RBL1: variants seen among roughly 807,000 people sequenced by gnomAD.
The protein encoded by RBL1 is RB transcriptional corepressor like 1.
In RBL1, 82 loss-of-function variants were observed where a neutral mutation model predicts 123.0. The ratio of observed to expected loss-of-function variants is 0.67; its 90% CI spans 0.56 to 0.80. RBL1 has a LOEUF of 0.80. Ranked by LOEUF, RBL1 falls within the 30% of genes least tolerant of loss-of-function variation. The probability of loss-of-function intolerance (pLI) is 0.00; values close to 1 mark genes in which losing one functional copy is unlikely to be tolerated. For missense variants in RBL1, 1,171 were observed against 1,299.6 expected, an observed-to-expected ratio of 0.90 and a Z score of 1.52; for synonymous variants, 405 against 441.3, an observed-to-expected ratio of 0.92 and a Z score of 1.03.
In RBL1 at chr20:37,022,824, G is replaced by A. The variant is rs765002285; in HGVS notation, c.2385C>T (p.Val795=). ...TGSLALFYRK[V]YHLASVRLRD... is the part of the protein sequence containing the mutation. Reference sequence around the variant, plus strand: ...GTAAGCGTACACTTGCCAAATGATAGACCTAAAATAGAAGGTAACACATTG... The same window carrying A: ...GTAAGCGTACACTTGCCAAATGATAAACCTAAAATAGAAGGTAACACATTG... The change falls in exon 17 of 22, where the codon GTC becomes GTT. Residue 795 remains valine (V), a splice_region_variant and synonymous_variant. Transcript: ENST00000373664. 6.2e-7 allele frequency: 1 copy of A among 1,602,810 alleles called. No homozygotes were observed. Among genetic ancestry groups the A allele is most frequent in the Non-Finnish European group, 8.5e-7 (1 of 1,173,628 alleles).
At chr20:37,028,116 G>T (rs2064453777) in intron 16 of RBL1, among the ~76,000 whole-genome samples, 1 of 152,132 alleles carries the variant, frequency 6.6e-6, no homozygotes, top group African/African-American at 2.4e-5. Context: ...TGTAATCCCA[G>T]CACTTTGGGA....
At chr20:37,023,060 A>G (rs2064368301) in intron 16 of RBL1, among the ~76,000 whole-genome samples, 1 of 152,238 alleles carries the variant, frequency 6.6e-6, no homozygotes, top group African/African-American at 2.4e-5. Context: ...CCAACTATGT[A>G]AAGTAAGAAA....
chr20:37,026,694 A>C (rs1008373344), intron 16 of RBL1, among the ~76,000 whole-genome samples: 1 of 145,090 alleles, frequency 6.9e-6, no homozygotes, highest in Non-Finnish European at 1.5e-5. Flanking sequence ...ACAGAGCAAG[A>C]CTCCATCTCA....
At chr20:37,079,826 T>C (rs1340530178) in intron 2 of RBL1, among the ~76,000 whole-genome samples, 1 of 152,164 alleles carries the variant, frequency 6.6e-6, no homozygotes, top group African/African-American at 2.4e-5. Context: ...TGGTGACTTT[T>C]CTGAAGTTTA....
chr20:37,069,811 C>T (rs947431888), intron 2 of RBL1, among the ~76,000 whole-genome samples: 5 of 151,422 alleles, frequency 3.3e-5, no homozygotes, highest in African/African-American at 1.2e-4. Flanking sequence ...GGGTCAGCCC[C>T]CTGCCAGGCC....
intron 17 of RBL1, among the ~76,000 whole-genome samples, chr20:37,021,448 C>CTT (rs879272660): frequency 3.5e-5 from 5 of 143,170 alleles, no homozygotes; most frequent in South Asian, 4.5e-4. Flanking sequence ...TTTTTTAATT[C>CTT]TTTTTTTTTT....
chr20:37,010,383 A>G (rs938404548), intron 19 of RBL1, among the ~76,000 whole-genome samples: 1 of 152,234 alleles, frequency 6.6e-6, no homozygotes, highest in Non-Finnish European at 1.5e-5. Context: ...CAAGCCCTGT[A>G]TTAAATATTA....
chr20:37,022,692 A>G lies in RBL1; in HGVS notation c.2517T>C (p.His839=), dbSNP rs763395965. Residue 839 remains histidine, a synonymous_variant, in exon 17 of 22, where the codon CAT becomes CAC. Transcript: ENST00000373664. ...VHCPDLMKDR[H]LDQLLLCAFY... is the part of the protein sequence containing the mutation. ...AGGCACAAAGGAGGAGCTGATCCAAATGCCTGTCTTTCATTAGATCAGGAC... is the reference window on the plus strand; with the variant it reads ...AGGCACAAAGGAGGAGCTGATCCAAGTGCCTGTCTTTCATTAGATCAGGAC... The G allele has an allele frequency of 6.8e-6, 11 of 1,613,248 alleles. No individual in the cohort carries two copies. The Admixed American group carries it at 1.0e-4, about 15-fold the overall frequency.
chr20:37,015,988 C>T (rs1228760895), intron 19 of RBL1, among the ~76,000 whole-genome samples: 1 of 143,268 alleles, frequency 7.0e-6, no homozygotes, highest in East Asian at 2.1e-4. Flanking sequence ...TCCCAAAGTA[C>T]TGGATTACAG....
At chr20:37,066,593 C>G (rs1224722050) in intron 6 of RBL1, 131 bp downstream of exon 6, 8 of 774,748 alleles carry the variant, frequency 1.0e-5, no homozygotes, top group Non-Finnish European at 1.6e-5. Flanking sequence ...TTCTGAATCA[C>G]AGTAGAGGCT....
At chr20:37,022,506 T>G (rs2064356399) in intron 17 of RBL1, 144 bp downstream of exon 17, 5 of 664,092 alleles carry the variant, frequency 7.5e-6, no homozygotes. Context: ...TTTATATTTT[T>G]TATAGAGATG....
chr20:37,036,735 C>T (rs909692818), intron 14 of RBL1, among the ~76,000 whole-genome samples: 1 of 151,414 alleles, frequency 6.6e-6, no homozygotes, highest in Non-Finnish European at 1.5e-5. Flanking sequence ...ACGCCATTCT[C>T]CTGCCTCAGC....
chr20:37,048,141 T>C lies in RBL1; in HGVS notation c.1468-951A>G, dbSNP rs113459857. On this transcript the variant is annotated intron_variant, in intron 11 of 21. Transcript: ENST00000373664. ...ACAAATTACTCAGCAGAAGGGACGATGATCAAGCATAAGGACCTGCAGTGA... is the reference window on the plus strand; with the variant it reads ...ACAAATTACTCAGCAGAAGGGACGACGATCAAGCATAAGGACCTGCAGTGA... 4.1e-3 allele frequency among the ~76,000 whole-genome samples: 621 copies of C among 152,290 alleles called. 8 individuals are homozygous for C. The highest frequency in any genetic ancestry group is 0.014 in the African/African-American group (594 of 41,552).
At chr20:37,087,169 T>C (rs1274985607) in intron 2 of RBL1, among the ~76,000 whole-genome samples, 2 of 152,218 alleles carry the variant, frequency 1.3e-5, no homozygotes, top group East Asian at 1.9e-4. Flanking sequence ...TCCACATCTC[T>C]ACGAAAAATA....
intron 2 of RBL1, among the ~76,000 whole-genome samples, chr20:37,080,301 C>A (rs998377184): frequency 1.2e-4 from 18 of 151,838 alleles, no homozygotes; most frequent in Non-Finnish European, 2.1e-4. Flanking sequence ...GGATTACAGG[C>A]AAGCACCACC....
At chr20:37,001,311 A>G (rs1412970132) in intron 21 of RBL1, among the ~76,000 whole-genome samples, 2 of 151,848 alleles carry the variant, frequency 1.3e-5, no homozygotes, top group African/African-American at 4.8e-5. Flanking sequence ...GGTTTTGTGG[A>G]ATAGAAAGGG....
At chr20:37,062,816 G>A (rs1699581824) in intron 7 of RBL1, among the ~76,000 whole-genome samples, 1 of 149,298 alleles carries the variant, frequency 6.7e-6, no homozygotes, top group Non-Finnish European at 1.5e-5. Context: ...TTAGCCGGGC[G>A]TGGTGGCGGG....
intron 2 of RBL1, among the ~76,000 whole-genome samples, chr20:37,070,169 C>T (rs1056264123): frequency 1.3e-5 from 2 of 152,168 alleles, no homozygotes; most frequent in African/African-American, 4.8e-5. Flanking sequence ...TGTGACCTTA[C>T]CCCCAACCCT....
chr20:37,066,168 G>C (rs1722258432), intron 6 of RBL1, among the ~76,000 whole-genome samples: 1 of 152,178 alleles, frequency 6.6e-6, no homozygotes, highest in Admixed American at 6.5e-5. Flanking sequence ...CGACGTTGGG[G>C]AAATAAGAAA....
Sources: allele counts gnomAD v4.1 joint callset (sites outside exome capture counted in the v4.1 genomes callset), GRCh38; gene constraint gnomAD v4.1.1; transcripts MANE v1.5; gene names NCBI Gene and HGNC (gene_info 2026-07-23, HGNC 2026-07-21).